Variants in ANLN observed in about 807,000 individuals in gnomAD.
ANLN encodes the protein anillin.
Under a neutral mutation model 135.1 loss-of-function variants are expected in ANLN, and 59 were observed. That is an observed-to-expected ratio of 0.44 (90% confidence interval 0.35 to 0.54). The LOEUF is 0.54. ANLN is among the 20% of genes least tolerant of loss of function. The pLI is 0.00. For synonymous variants in ANLN, 406 were observed against 456.4 expected, an observed-to-expected ratio of 0.89 and a Z score of 1.41; for missense variants, 1,182 against 1,340.0, an observed-to-expected ratio of 0.88 and a Z score of 1.84.
chr7:36,425,166 A>C (rs1168278001), intron 17 of ANLN, among the ~76,000 whole-genome samples: 2 of 150,378 alleles, frequency 1.3e-5, no homozygotes, highest in Non-Finnish European at 3.0e-5. Flanking sequence ...TTTTTTTTTT[A>C]GCTCTAACAA....
intron 22 of ANLN, among the ~76,000 whole-genome samples, chr7:36,445,936 T>C (rs914778214): frequency 2.0e-5 from 3 of 152,238 alleles, no homozygotes; most frequent in African/African-American, 7.2e-5. Context: ...TATACTCTTA[T>C]TTAAAAAAAT....
chr7:36,402,484 C>G (rs529757546), intron 3 of ANLN, among the ~76,000 whole-genome samples: 1 of 152,226 alleles, frequency 6.6e-6, no homozygotes, highest in African/African-American at 2.4e-5. Flanking sequence ...CCAGTCCCTC[C>G]TCAATTTTCA....
chr7:36,431,585 G>A (rs1251583074), intron 20 of ANLN, among the ~76,000 whole-genome samples: 2 of 22,934 alleles, frequency 8.7e-5, no homozygotes, highest in Non-Finnish European at 1.2e-4. Flanking sequence ...GTGTGTGTGT[G>A]TGTGTGTGTG....
At position 36,426,165 on chromosome 7, in the gene ANLN, T is replaced by C. The variant is rs547077434; in HGVS notation, c.2770+129T>C. ...TGATCTCCTTTGGAATAATATTTTCTATGTGAGTTTCTTAGTAACAGGATT... is the reference window on the plus strand; with the variant it reads ...TGATCTCCTTTGGAATAATATTTTCCATGTGAGTTTCTTAGTAACAGGATT... On this transcript the variant is annotated intron_variant, in intron 19 of 23. Coordinates refer to ENST00000265748, the MANE Select transcript of ANLN (RefSeq NM_018685.5). 21 of 707,886 alleles carry C rather than the reference T, an allele frequency of 3.0e-5. No homozygotes were observed. The South Asian group carries it at 6.2e-4, about 21-fold the overall frequency. The allele number at this position is 707,886 out of a possible 1,614,324, so 43.9% of individuals were successfully genotyped here. A position where few individuals can be genotyped will look rare whatever the true frequency, so the allele number is the denominator to read the frequency against.
chr7:36,435,872 C>CAAAAAA lies in ANLN; in HGVS notation c.2884-3307_2884-3302dup, dbSNP rs57379889. Among the ~76,000 whole-genome samples the CAAAAAA allele has an allele frequency of 1.6e-3, 85 of 52,236 alleles. 9 individuals are homozygous for CAAAAAA. The highest frequency in any genetic ancestry group is 6.0e-3 in the African/African-American group (69 of 11,442). The allele number at this position is 52,236 out of a possible 152,430, so 34.3% of individuals were successfully genotyped here. On this transcript the variant is annotated intron_variant, in intron 20 of 23. Transcript: ENST00000265748. ...TGGGCGACAGAGCGAGACTCCGTCT[C>CAAAAAA]AAAAAAAAAAAAAAAAAAAAAAAAA...
Position 36,420,689 on chromosome 7 carries a change from T to C in ANLN, c.2108T>C (p.Leu703Pro). The C allele has an allele frequency of 1.2e-6, 2 of 1,613,946 alleles. No individual in the cohort carries two copies. The highest frequency in any genetic ancestry group is 1.7e-6 in the Non-Finnish European group (2 of 1,179,870). ...IVRKEDVTSK[L>P]DEKNNAFPCQ... The stretch of plus-strand genomic sequence containing the variant: ...CGGAAGGAAGATGTTACTTCAAAAC[T>C]GGATGAAAAAAATAATGCCTTTCCT... Residue 703 changes from leucine to proline, a missense_variant, in exon 12 of 24, where the codon CTG becomes CCG. Transcript: ENST00000265748.
intron 9 of ANLN, among the ~76,000 whole-genome samples, chr7:36,418,671 G>A (rs937787016): frequency 2.6e-5 from 4 of 151,920 alleles, no homozygotes; most frequent in African/African-American, 9.7e-5. Context: ...CTACATTTGA[G>A]TTCTTAATGC....
At chr7:36,432,507 A>G (rs1788372987) in intron 20 of ANLN, among the ~76,000 whole-genome samples, 1 of 152,172 alleles carries the variant, frequency 6.6e-6, no homozygotes, top group Non-Finnish European at 1.5e-5. Flanking sequence ...TAAAAACTGT[A>G]TTTTCAATAT....
At chr7:36,405,962 GATCTA>G (rs1787169214) in intron 3 of ANLN, among the ~76,000 whole-genome samples, 1 of 152,008 alleles carries the variant, frequency 6.6e-6, no homozygotes, top group African/African-American at 2.4e-5. Context: ...GGAAAAAATA[GATCTA>G]ATAGTTTTTT....
At position 36,421,997 on chromosome 7, in the gene ANLN, G is replaced by A. The variant is rs1207515112; in HGVS notation, c.2299+5G>A. The A allele has an allele frequency of 6.2e-7, 1 of 1,610,644 alleles. No homozygotes were observed. The highest frequency in any genetic ancestry group is 8.5e-7 in the Non-Finnish European group (1 of 1,178,894). ...AAAGACTTCTTCTAATTGCAAGTAA[G>A]TGTGATGCACCTGAAAGAGTTCCAA... On this transcript the variant is annotated splice_donor_5th_base_variant and intron_variant, in intron 13 of 23. Coordinates refer to ENST00000265748, the MANE Select transcript of ANLN (RefSeq NM_018685.5).
intron 21 of ANLN, among the ~76,000 whole-genome samples, chr7:36,442,127 T>G (rs1406875082): frequency 6.6e-6 from 1 of 152,028 alleles, no homozygotes; most frequent in Non-Finnish European, 1.5e-5. Context: ...TTGAGAAGAG[T>G]GTATATCCTA....
intron 21 of ANLN, 49 bp from the exon 22 acceptor site, chr7:36,443,706 G>A (rs1788872243): frequency 8.0e-7 from 1 of 1,243,614 alleles, no homozygotes. Context: ...TCATTGTTAG[G>A]ACATTTTCCT....
intron 22 of ANLN, 145 bp from the exon 23 acceptor site, chr7:36,449,520 G>T: frequency 3.4e-6 from 2 of 591,008 alleles, no homozygotes. Flanking sequence ...TGTTAAATAT[G>T]TTTCTCTAAG....
chr7:36,420,917 A>T (rs1242372859), intron 12 of ANLN, among the ~76,000 whole-genome samples, 173 bp downstream of exon 12: 1 of 152,062 alleles, frequency 6.6e-6, no homozygotes, highest in Non-Finnish European at 1.5e-5. Flanking sequence ...TTGGAAAGGT[A>T]CTCTTTTTGA....
At chr7:36,433,493 A>C (rs1788410911) in intron 20 of ANLN, among the ~76,000 whole-genome samples, 1 of 151,908 alleles carries the variant, frequency 6.6e-6, no homozygotes, top group Admixed American at 6.5e-5. Flanking sequence ...TAACGGTTTG[A>C]TTTTAATGTG....
chr7:36,452,696 G>T lies in ANLN; in HGVS notation c.*96G>T. On this transcript the variant is annotated 3_prime_UTR_variant, in exon 24 of 24. Coordinates refer to ENST00000265748, the MANE Select transcript of ANLN (RefSeq NM_018685.5). ...TTACTGATTGCATTTTATGCTTTAAGTACGAAAGGGTTTGTGCCAATATTC... is the reference window on the plus strand; with the variant it reads ...TTACTGATTGCATTTTATGCTTTAATTACGAAAGGGTTTGTGCCAATATTC... 1 of 1,447,562 alleles carries T rather than the reference G, an allele frequency of 6.9e-7. No individual in the cohort carries two copies. Among genetic ancestry groups the T allele is most frequent in the East Asian group, 2.3e-5 (1 of 43,624 alleles). The allele number at this position is 1,447,562 out of a possible 1,614,324, so 89.7% of individuals were successfully genotyped here. A position where few individuals can be genotyped will look rare whatever the true frequency, so the allele number is the denominator to read the frequency against.
At chr7:36,411,277 C>G in intron 7 of ANLN, 111 bp downstream of exon 7, 1 of 808,332 alleles carries the variant, frequency 1.2e-6, no homozygotes, top group Admixed American at 3.5e-5. Context: ...TTCCAATTAA[C>G]TCTGTCACTT....
intron 5 of ANLN, 112 bp downstream of exon 5, chr7:36,408,068 G>T (rs778589338): frequency 4.8e-6 from 4 of 830,970 alleles, no homozygotes; most frequent in Non-Finnish European, 7.4e-6. Context: ...CAGGGCCAAT[G>T]CCTGAATGTT....
chr7:36,395,480 C>G (rs905288496), intron 1 of ANLN, among the ~76,000 whole-genome samples: 1 of 152,116 alleles, frequency 6.6e-6, no homozygotes, highest in Non-Finnish European at 1.5e-5. Context: ...TGGGCCTGAC[C>G]AGATAATTCA....
Sources: gnomAD v4.1 joint callset for allele counts (sites outside exome capture counted in the v4.1 genomes callset) on GRCh38, gnomAD v4.1.1 for gene constraint, MANE v1.5 for transcripts, NCBI Gene and HGNC (gene_info 2026-07-23, HGNC 2026-07-21) for gene names.